RABGAP1L: variants seen among roughly 807,000 people sequenced by gnomAD.
RABGAP1L encodes RAB GTPase activating protein 1 like.
RABGAP1L carries 63 observed loss-of-function variants against 137.7 expected under a neutral mutation model. The ratio of observed to expected loss-of-function variants is 0.46; its 90% CI spans 0.37 to 0.56. The LOEUF (loss-of-function observed/expected upper bound fraction) is 0.56. Ranked by LOEUF, RABGAP1L falls within the 20% of genes least tolerant of loss-of-function variation. The pLI, the probability that RABGAP1L is intolerant of heterozygous loss-of-function variation, is 0.00. For missense variants in RABGAP1L, 1,095 were observed against 1,244.0 expected, an observed-to-expected ratio of 0.88 and a Z score of 1.80; for synonymous variants, 431 against 433.7, an observed-to-expected ratio of 0.99 and a Z score of 0.08.
At chr1:174,799,715 T>C (rs548767982) in intron 18 of RABGAP1L, among the ~76,000 whole-genome samples, 50 of 151,666 alleles carry the variant, frequency 3.3e-4, no homozygotes, top group African/African-American at 1.1e-3. Context: ...TCCTCTTCCC[T>C]CCCCTTCCTT....
At chr1:174,356,627 T>A (rs1206434895) in intron 11 of RABGAP1L, among the ~76,000 whole-genome samples, 2 of 152,098 alleles carry the variant, frequency 1.3e-5, no homozygotes, top group African/African-American at 4.8e-5. Flanking sequence ...AGCCCTGAAA[T>A]TATTTTGATT....
chr1:174,842,900 T>C (rs1045305352), intron 19 of RABGAP1L, among the ~76,000 whole-genome samples: 18 of 152,164 alleles, frequency 1.2e-4, no homozygotes, highest in Admixed American at 3.3e-4. Context: ...CCATGTTAAA[T>C]CCAGAGAAAT....
Position 174,221,032 on chromosome 1 carries a change from G to A in RABGAP1L, c.199G>A (p.Glu67Lys), listed in dbSNP as rs138469250. 1,345 of 1,613,770 alleles carry A rather than the reference G, an allele frequency of 8.3e-4. No homozygotes were observed. The highest frequency in any genetic ancestry group is 1.1e-3 in the Non-Finnish European group (1,242 of 1,179,830). ...CATGGAAGAGATTTTGAGAGATTCC[G>A]AGAAAAGGCCAAGCAGTCTTCTTGT... Reference protein sequence around the residue: ...KAMEEILRDSEKRPSSLLVDC... With the variant: ...KAMEEILRDSKKRPSSLLVDC... Residue 67 changes from glutamate (E) to lysine (K), a missense_variant, in exon 3 of 26, where the codon GAG becomes AAG. Coordinates refer to ENST00000681986, the MANE Select transcript of RABGAP1L (RefSeq NM_001366446.1).
At chr1:174,278,890 G>T in intron 10 of RABGAP1L, 111 bp downstream of exon 10, 2 of 949,580 alleles carry the variant, frequency 2.1e-6, no homozygotes, top group Non-Finnish European at 2.9e-6. Context: ...ATTCCTCAAA[G>T]AAATCAAATG....
chr1:174,928,629 G>A (rs1439491195), intron 19 of RABGAP1L, among the ~76,000 whole-genome samples: 1 of 152,062 alleles, frequency 6.6e-6, no homozygotes, highest in Non-Finnish European at 1.5e-5. Context: ...TGATTCTAAT[G>A]ATTGTCTACT....
At chr1:174,265,780 T>C (rs1558083353) in intron 7 of RABGAP1L, among the ~76,000 whole-genome samples, 1 of 151,376 alleles carries the variant, frequency 6.6e-6, no homozygotes, top group South Asian at 2.1e-4. Flanking sequence ...TTTTTTTTTG[T>C]TTTTGAAATT....
chr1:174,198,851 A>G (rs541142410), intron 1 of RABGAP1L, among the ~76,000 whole-genome samples: 8 of 152,306 alleles, frequency 5.3e-5, no homozygotes, highest in Admixed American at 5.2e-4. Context: ...GCTCACGCCT[A>G]TAATCCCAGT....
chr1:174,569,149 A>G (rs993469878), intron 13 of RABGAP1L, among the ~76,000 whole-genome samples: 4 of 152,188 alleles, frequency 2.6e-5, no homozygotes, highest in African/African-American at 9.7e-5. Context: ...TCCCCATACT[A>G]ACAACATTTT....
chr1:174,481,092 T>A (rs1659039610), intron 13 of RABGAP1L, among the ~76,000 whole-genome samples: 3 of 152,214 alleles, frequency 2.0e-5, no homozygotes, highest in African/African-American at 7.2e-5. Flanking sequence ...CCTTCTGTCC[T>A]CTCAAACTTT....
rs1310382595 is a variant in RABGAP1L at position 174,234,507 on chromosome 1, C to A, written c.542+3152C>A. On this transcript the variant is annotated intron_variant, in intron 4 of 25. Coordinates refer to ENST00000681986, the MANE Select transcript of RABGAP1L (RefSeq NM_001366446.1). ...TATGGCTATCCAGTTTTCCCAGCAC[C>A]ATTTATTAAATAGGGAATCCTTTCC... 4.8e-5 allele frequency among the ~76,000 whole-genome samples: 7 copies of A among 147,020 alleles called. 1 individual carries two copies. Among genetic ancestry groups the A allele is most frequent in the African/African-American group, 1.9e-4 (7 of 36,530 alleles).
At chr1:174,292,782 C>G (rs1676754283) in intron 10 of RABGAP1L, among the ~76,000 whole-genome samples, 1 of 152,068 alleles carries the variant, frequency 6.6e-6, no homozygotes, top group Non-Finnish European at 1.5e-5. Context: ...TAAGATTTTC[C>G]TGTGATCTTT....
chr1:174,911,391 G>A (rs755902921), intron 19 of RABGAP1L, among the ~76,000 whole-genome samples: 2 of 152,112 alleles, frequency 1.3e-5, no homozygotes, highest in African/African-American at 4.8e-5. Flanking sequence ...TAAATTTAAT[G>A]CAAATTTGTG....
chr1:174,976,097 T>C lies in RABGAP1L; in HGVS notation c.2564T>C (p.Val855Ala). The change falls in exon 22 of 26, where the codon GTG (valine) becomes GCG (alanine). Residue 855 changes from valine (V) to alanine (A), a missense_variant. Physicochemically the swap from Val to Ala is moderately conservative, Grantham distance 64. Around this residue, in one of 4 missense-constraint regions of RABGAP1L, gnomAD observed 312 missense variants for 435.6 expected, o/e 0.72. Transcript: ENST00000681986. ...DLDQAEDKAD[V>A]LNKELLLTKQ... is the part of the protein sequence containing the mutation. ...TTGCAGGCAGAAGACAAGGCAGATG[T>C]GTTGAATAAAGAGCTCCTTTTGACC... is the stretch of plus-strand genomic sequence containing the variant. 1 of 1,551,010 alleles carries C rather than the reference T, an allele frequency of 6.4e-7. No homozygotes were observed.
intron 17 of RABGAP1L, among the ~76,000 whole-genome samples, chr1:174,713,603 C>T (rs977791608): frequency 6.6e-6 from 1 of 152,182 alleles, no homozygotes; most frequent in Admixed American, 6.5e-5. Context: ...TGTGCTGGCT[C>T]GCCCTTGTCC....
chr1:174,931,990 G>GTTTTTTTTTTTT (rs532860564), intron 19 of RABGAP1L, among the ~76,000 whole-genome samples: 22 of 69,646 alleles, frequency 3.2e-4, no homozygotes, highest in South Asian at 6.3e-4. Flanking sequence ...TGCTTTTTTG[G>GTTTTTTTTTTTT]TTTTTTTTTT....
intron 13 of RABGAP1L, among the ~76,000 whole-genome samples, chr1:174,527,723 G>A (rs1284325383): frequency 6.6e-6 from 1 of 152,110 alleles, no homozygotes; most frequent in Non-Finnish European, 1.5e-5. Flanking sequence ...ACCTAATGCT[G>A]AGAGTGGAGT....
At chr1:174,459,051 A>AAATGGTTATAG in intron 13 of RABGAP1L, among the ~76,000 whole-genome samples, 1 of 152,240 alleles carries the variant, frequency 6.6e-6, no homozygotes, top group East Asian at 1.9e-4. Flanking sequence ...GTTAGAAAAT[A>AAATGGTTATAG]AATGGTTATA....
chr1:174,816,147 C>CTTTTTTTTTTTTTTTTTTTT (rs67065448), intron 19 of RABGAP1L, among the ~76,000 whole-genome samples: 1 of 86,188 alleles, frequency 1.2e-5, no homozygotes, highest in Non-Finnish European at 2.1e-5. Context: ...TAATACATAG[C>CTTTTTTTTTTTTTTTTTTTT]TTTTTTTTTT....
intron 13 of RABGAP1L, among the ~76,000 whole-genome samples, chr1:174,458,334 GAAAA>G (rs955489591): frequency 1.3e-4 from 20 of 151,060 alleles, no homozygotes; most frequent in African/African-American, 4.9e-4. Flanking sequence ...AAAATTTACA[GAAAA>G]AAAATTTTTT....
Sources: allele counts gnomAD v4.1 joint callset (sites outside exome capture counted in the v4.1 genomes callset), GRCh38; gene constraint gnomAD v4.1.1; regional missense constraint gnomAD v4.1.1; transcripts MANE v1.5; gene names NCBI Gene and HGNC (gene_info 2026-07-23, HGNC 2026-07-21).